Variants in DLGAP1 observed in about 807,000 individuals in gnomAD.
The protein encoded by DLGAP1 is DLG associated protein 1.
Under a neutral mutation model 90.8 loss-of-function variants are expected in DLGAP1, and 11 were observed. That is an observed-to-expected ratio of 0.12 (90% CI 0.08 to 0.20). The LOEUF (loss-of-function observed/expected upper bound fraction) is 0.20. DLGAP1 is among the 10% of genes least tolerant of loss of function. The pLI is 1.00. For synonymous variants in DLGAP1, 558 were observed against 540.7 expected (o/e 1.03, Z -0.44); for missense variants, 1,050 against 1,333.8 (o/e 0.79, Z 3.31).
intron 1 of DLGAP1, among the ~76,000 whole-genome samples, chr18:4,208,828 G>A (rs1473457611): frequency 2.0e-5 from 3 of 151,932 alleles, no homozygotes; most frequent in Admixed American, 1.3e-4. Context: ...GAGAGAGAAT[G>A]AATGAGAGCT....
At chr18:4,058,266 A>C (rs1369384956) in intron 2 of DLGAP1, among the ~76,000 whole-genome samples, 2 of 152,218 alleles carry the variant, frequency 1.3e-5, no homozygotes, top group Middle Eastern at 6.3e-3. Flanking sequence ...TCACATGTAA[A>C]GACACACTCC....
intron 1 of DLGAP1, among the ~76,000 whole-genome samples, chr18:4,256,683 T>C (rs1265610534): frequency 6.6e-6 from 1 of 152,178 alleles, no homozygotes; most frequent in Non-Finnish European, 1.5e-5. Context: ...ATAAAATATT[T>C]CAGATTATAC....
At chr18:3,536,346 C>T (rs1219523036) in intron 9 of DLGAP1, among the ~76,000 whole-genome samples, 2 of 151,778 alleles carry the variant, frequency 1.3e-5, no homozygotes, top group African/African-American at 4.8e-5. Flanking sequence ...GCCTCAGCCT[C>T]CCGAATAGCT....
chr18:4,048,529 A>G (rs1262683521), intron 2 of DLGAP1, among the ~76,000 whole-genome samples: 1 of 152,216 alleles, frequency 6.6e-6, no homozygotes, highest in Non-Finnish European at 1.5e-5. Context: ...CATCCAGTGT[A>G]ATAATTTAAA....
intron 7 of DLGAP1, chr18:3,654,031 TC>T: frequency 6.6e-6 from 1 of 152,032 alleles, no homozygotes; most frequent in Non-Finnish European, 1.5e-5. Flanking sequence ...GGAACACACG[TC>T]CCCCCAGCCC....
At chr18:3,869,596 G>A (rs758020124) in intron 4 of DLGAP1, among the ~76,000 whole-genome samples, 1 of 152,154 alleles carries the variant, frequency 6.6e-6, no homozygotes, top group Non-Finnish European at 1.5e-5. Context: ...TGATACTCTC[G>A]ACTTCAGACG....
intron 3 of DLGAP1, among the ~76,000 whole-genome samples, chr18:3,966,352 G>C (rs1192741568): frequency 1.3e-5 from 2 of 152,018 alleles, no homozygotes; most frequent in African/African-American, 4.8e-5. Context: ...TTTGTTGGGG[G>C]GAAGGCTTTA....
intron 1 of DLGAP1, among the ~76,000 whole-genome samples, chr18:4,417,442 A>C (rs983285853): frequency 1.3e-5 from 2 of 152,142 alleles, no homozygotes; most frequent in Admixed American, 1.3e-4. Context: ...TGTTGAGTGT[A>C]AACAGGTCCT....
chr18:3,841,905 T>C (rs2068736729), intron 4 of DLGAP1, among the ~76,000 whole-genome samples: 1 of 152,044 alleles, frequency 6.6e-6, no homozygotes, highest in Non-Finnish European at 1.5e-5. Flanking sequence ...TGAAACGATC[T>C]AGTGGAAGAG....
intron 4 of DLGAP1, chr18:3,874,259 T>C (rs1480941173): frequency 6.5e-7 from 1 of 1,549,728 alleles, no homozygotes. Context: ...TCTCTGGGAG[T>C]GCTTTCCTTC....
intron 1 of DLGAP1, among the ~76,000 whole-genome samples, chr18:4,424,716 T>C (rs1401104113): frequency 6.6e-6 from 1 of 152,184 alleles, no homozygotes; most frequent in African/African-American, 2.4e-5. Context: ...TTGGAAAAGA[T>C]AAAAGCAGTA....
chr18:3,897,998 GTTAGCCAGGA>G (rs1568287605), intron 3 of DLGAP1, among the ~76,000 whole-genome samples: 2 of 151,832 alleles, frequency 1.3e-5, no homozygotes, highest in African/African-American at 4.8e-5. Context: ...GTTTCACCTT[GTTAGCCAGGA>G]TGGTCTCGAT....
At position 4,084,105 on chromosome 18, in the gene DLGAP1, C is replaced by G. The variant is rs547536918; in HGVS notation, c.-159+67075G>C. ...CCAAAACCCTTAAAAATCCTAGCCC[C>G]CAAACTCCTCAAAAAGATGGACTTG... On this transcript the variant is annotated intron_variant, in intron 2 of 12. Coordinates refer to ENST00000315677, the MANE Select transcript of DLGAP1 (RefSeq NM_004746.4). The surrounding 1 kb of genome is among the most constrained non-coding windows in gnomAD (Gnocchi z 4.0). Among the ~76,000 whole-genome samples, 1 of 152,216 alleles carries G rather than the reference C, an allele frequency of 6.6e-6. No individual in the cohort carries two copies. Among genetic ancestry groups the G allele is most frequent in the East Asian group, 1.9e-4 (1 of 5,168 alleles).
intron 1 of DLGAP1, among the ~76,000 whole-genome samples, chr18:4,357,157 C>CGTTTTTTTT (rs2081536399): frequency 9.2e-6 from 1 of 108,744 alleles, no homozygotes; most frequent in African/African-American, 3.6e-5. Context: ...TGTTTTTTTC[C>CGTTTTTTTT]TTTTTTTTTT....
intron 7 of DLGAP1, among the ~76,000 whole-genome samples, chr18:3,666,287 T>G (rs566540382): frequency 6.6e-6 from 1 of 152,366 alleles, no homozygotes; most frequent in South Asian, 2.1e-4. Flanking sequence ...AAGGGCAATT[T>G]TGATGACAAT....
intron 3 of DLGAP1, among the ~76,000 whole-genome samples, chr18:3,960,668 G>T (rs968805895): frequency 1.3e-5 from 2 of 152,250 alleles, no homozygotes; most frequent in Admixed American, 6.5e-5. Flanking sequence ...CGAAGAATTT[G>T]CATTTCTAGT....
At chr18:4,421,062 C>G (rs2083018082) in intron 1 of DLGAP1, among the ~76,000 whole-genome samples, 1 of 152,154 alleles carries the variant, frequency 6.6e-6, no homozygotes, top group African/African-American at 2.4e-5. Flanking sequence ...ATTCCTGGAG[C>G]TGCTGTAACA....
At chr18:3,537,330 A>G (rs780257325) in intron 9 of DLGAP1, among the ~76,000 whole-genome samples, 5 of 152,086 alleles carry the variant, frequency 3.3e-5, no homozygotes, top group Non-Finnish European at 7.4e-5. Context: ...TACTCTAGGT[A>G]CCTCTTATTG....
At chr18:3,504,473 C>T (rs1004809108) in intron 11 of DLGAP1, among the ~76,000 whole-genome samples, 3 of 152,142 alleles carry the variant, frequency 2.0e-5, no homozygotes, top group Non-Finnish European at 2.9e-5. Context: ...CAACCTCTGC[C>T]TCCCAGGTTC....
Sources: allele counts gnomAD v4.1 joint callset (sites outside exome capture counted in the v4.1 genomes callset), GRCh38; gene constraint gnomAD v4.1.1; non-coding constraint Gnocchi (gnomAD v3.1); transcripts MANE v1.5; gene names NCBI Gene and HGNC (gene_info 2026-07-23, HGNC 2026-07-21).